The following CNTN5 variants were observed in gnomAD, a reference collection of about 807,000 sequenced individuals.
CNTN5 encodes contactin-5.
In CNTN5, 77 loss-of-function variants were observed where a neutral mutation model predicts 129.1. That is an observed-to-expected ratio of 0.60 (90% CI 0.50 to 0.72). CNTN5 has a LOEUF of 0.72. Among genes scored for constraint, CNTN5 ranks in the 30% least tolerant of loss-of-function variants. The probability of loss-of-function intolerance (pLI) is 0.00; values close to 1 mark genes in which losing one functional copy is unlikely to be tolerated. For missense variants in CNTN5, 1,478 were observed against 1,328.8 expected (o/e 1.11, Z -1.75); for synonymous variants, 509 against 465.6 (o/e 1.09, Z -1.20).
intron 3 of CNTN5, among the ~76,000 whole-genome samples, chr11:99,559,381 C>G (rs1230876592): frequency 6.6e-6 from 1 of 152,072 alleles, no homozygotes. Flanking sequence ...GAAAAGAACT[C>G]TTACCTAACT....
At chr11:100,242,226 C>G (rs1949756092) in intron 16 of CNTN5, among the ~76,000 whole-genome samples, 1 of 152,170 alleles carries the variant, frequency 6.6e-6, no homozygotes, top group Non-Finnish European at 1.5e-5. Flanking sequence ...GCCTGGAAAA[C>G]TCTTGCCCAT....
intron 3 of CNTN5, among the ~76,000 whole-genome samples, chr11:99,729,345 T>C (rs937887063): frequency 6.6e-6 from 1 of 152,132 alleles, no homozygotes; most frequent in African/African-American, 2.4e-5. Context: ...TAAGGTTTGT[T>C]ATATAGGTAA....
At chr11:99,205,702 A>G (rs1354308542) in intron 1 of CNTN5, among the ~76,000 whole-genome samples, 1 of 152,194 alleles carries the variant, frequency 6.6e-6, no homozygotes. Context: ...AACTATGTGA[A>G]GTGATTGATA....
At chr11:99,576,883 C>A (rs1327172988) in intron 3 of CNTN5, among the ~76,000 whole-genome samples, 2 of 152,158 alleles carry the variant, frequency 1.3e-5, no homozygotes, top group Non-Finnish European at 2.9e-5. Flanking sequence ...AAGTTCTCAT[C>A]TCTTCATACT....
intron 1 of CNTN5, among the ~76,000 whole-genome samples, chr11:99,066,892 G>C (rs547552857): frequency 4.6e-5 from 7 of 152,158 alleles, no homozygotes; most frequent in African/African-American, 1.2e-4. Flanking sequence ...GCGATTCAAG[G>C]GCTTCTCACT....
intron 8 of CNTN5, among the ~76,000 whole-genome samples, chr11:99,973,697 C>T (rs909835460): frequency 2.0e-5 from 3 of 151,946 alleles, no homozygotes; most frequent in African/African-American, 4.8e-5. Context: ...ATTTTATTTC[C>T]ATTATCCTGC....
At chr11:99,051,299 T>TG (rs1864416785) in intron 1 of CNTN5, among the ~76,000 whole-genome samples, 1 of 151,940 alleles carries the variant, frequency 6.6e-6, no homozygotes, top group Non-Finnish European at 1.5e-5. Flanking sequence ...TCAGTTTAGT[T>TG]GGTCCCAAAG....
intron 7 of CNTN5, among the ~76,000 whole-genome samples, chr11:99,932,062 A>G (rs2136078672): frequency 6.6e-6 from 1 of 152,262 alleles, no homozygotes; most frequent in African/African-American, 2.4e-5. Context: ...ACTATGAAGC[A>G]CCTAAGCTTC....
chr11:99,142,074 A>C (rs1356005842), intron 1 of CNTN5, among the ~76,000 whole-genome samples: 5 of 152,102 alleles, frequency 3.3e-5, no homozygotes, highest in African/African-American at 1.2e-4. Context: ...GATGATTTCA[A>C]GGGGTGAAGG....
intron 18 of CNTN5, among the ~76,000 whole-genome samples, chr11:100,273,114 C>A (rs556523005): frequency 6.6e-6 from 1 of 152,082 alleles, no homozygotes; most frequent in African/African-American, 2.4e-5. Flanking sequence ...GGCCTCTCCC[C>A]GAGCCTCAGT....
At chr11:99,354,659 T>G (rs1217060795) in intron 2 of CNTN5, among the ~76,000 whole-genome samples, 3 of 152,084 alleles carry the variant, frequency 2.0e-5, no homozygotes, top group African/African-American at 7.2e-5. Flanking sequence ...ATGGTGGCTG[T>G]TCACCCTCTG....
chr11:100,345,577 T>TTA (rs527331335), intron 23 of CNTN5, among the ~76,000 whole-genome samples: 4 of 146,736 alleles, frequency 2.7e-5, no homozygotes, highest in African/African-American at 1.0e-4. Context: ...TAACAGATAT[T>TTA]AAAAAAAAAA....
In CNTN5 at chr11:100,292,059, C is replaced by G. The variant is rs1950994941; in HGVS notation, c.2315-5566C>G. Reference sequence around the variant, plus strand: ...TTTAATTTAATTAAAAAAATTTAATCTCACATCTAATTCCATGGTCTCTCA... The same window carrying G: ...TTTAATTTAATTAAAAAAATTTAATGTCACATCTAATTCCATGGTCTCTCA... On this transcript the variant is annotated intron_variant, in intron 18 of 24. Coordinates refer to ENST00000524871, the MANE Select transcript of CNTN5 (RefSeq NM_014361.4). Among the ~76,000 whole-genome samples the G allele has an allele frequency of 4.0e-5, 6 of 151,892 alleles. No individual in the cohort carries two copies. In the South Asian group the frequency reaches 1.0e-3, roughly 26 times the overall value.
At chr11:100,053,729 C>G (rs1211261670) in intron 9 of CNTN5, among the ~76,000 whole-genome samples, 1 of 151,554 alleles carries the variant, frequency 6.6e-6, no homozygotes, top group Non-Finnish European at 1.5e-5. Context: ...TTTACTTACC[C>G]CAAAGAATTA....
At position 99,321,701 on chromosome 11, in the gene CNTN5, C is replaced by T. The variant is rs80239054; in HGVS notation, c.-209-3645C>T. ...TTCTACTCAAAAGCTATTCCTTCCACCTTGATTGATTGATTGAGTAGAATC... is the reference window on the plus strand; with the variant it reads ...TTCTACTCAAAAGCTATTCCTTCCATCTTGATTGATTGATTGAGTAGAATC... On this transcript the variant is annotated intron_variant, in intron 1 of 24. Transcript: ENST00000524871. Among the ~76,000 whole-genome samples the T allele has an allele frequency of 1.2e-3, 189 of 152,204 alleles. 2 individuals carry two copies. Among genetic ancestry groups the T allele is most frequent in the African/African-American group, 4.3e-3 (179 of 41,536 alleles).
At chr11:99,422,600 G>A (rs1942952093) in intron 2 of CNTN5, among the ~76,000 whole-genome samples, 1 of 146,860 alleles carries the variant, frequency 6.8e-6, no homozygotes, top group African/African-American at 2.5e-5. Context: ...GGGTACATGT[G>A]CACAACGTGC....
chr11:100,227,378 T>C (rs1183229861), intron 16 of CNTN5, among the ~76,000 whole-genome samples: 3 of 152,200 alleles, frequency 2.0e-5, no homozygotes, highest in South Asian at 2.1e-4. Context: ...GGCCTCATCA[T>C]TGCCTATTTA....
chr11:99,210,961 T>C (rs1189054017), intron 1 of CNTN5, among the ~76,000 whole-genome samples: 4 of 152,134 alleles, frequency 2.6e-5, no homozygotes, highest in Non-Finnish European at 5.9e-5. Flanking sequence ...AATTAAAATA[T>C]TAATTTTCAA....
At position 99,185,237 on chromosome 11, in the gene CNTN5, G is replaced by T. The variant is rs140427065; in HGVS notation, c.-209-140109G>T. 3.3e-5 allele frequency among the ~76,000 whole-genome samples: 5 copies of T among 151,576 alleles called. No individual in the cohort carries two copies. In the East Asian group the frequency reaches 9.7e-4, roughly 30 times the overall value. On this transcript the variant is annotated intron_variant, in intron 1 of 24. Transcript: ENST00000524871. The stretch of plus-strand genomic sequence containing the variant: ...GGGTGAGCATAGGAAGAGATGAGGT[G>T]CCATGAGACTTATATGAATAGGCTG...
Sources: allele counts gnomAD v4.1 joint callset (sites outside exome capture counted in the v4.1 genomes callset), GRCh38; gene constraint gnomAD v4.1.1; transcripts MANE v1.5; gene names NCBI Gene and HGNC (gene_info 2026-07-23, HGNC 2026-07-21).